Variants in PCCA observed in about 807,000 individuals in gnomAD.
The protein encoded by PCCA is propionyl-CoA carboxylase alpha chain, mitochondrial.
In PCCA, 74 loss-of-function variants were observed where a neutral mutation model predicts 101.3. The observed-to-expected ratio is 0.73, with a 90% confidence interval of 0.61 to 0.89. The LOEUF is 0.89. PCCA is among the 40% of genes least tolerant of loss of function. PCCA has a pLI of 0.00. For synonymous variants in PCCA, 294 were observed against 313.6 expected (o/e 0.94, Z 0.66); for missense variants, 891 against 907.0 (o/e 0.98, Z 0.23).
chr13:100,224,788 T>G (rs901305815), intron 7 of PCCA, among the ~76,000 whole-genome samples: 5 of 152,118 alleles, frequency 3.3e-5, no homozygotes, highest in African/African-American at 1.2e-4. Context: ...AGCTGAAAAG[T>G]GAGATTGATG....
At position 100,095,276 on chromosome 13, in the gene PCCA, G is replaced by A. The variant is rs535001278; in HGVS notation, c.105+6051G>A. Among the ~76,000 whole-genome samples the A allele has an allele frequency of 5.3e-5, 8 of 152,250 alleles. No homozygotes were observed. In the East Asian group the frequency reaches 1.3e-3, roughly 26 times the overall value. On this transcript the variant is annotated intron_variant, in intron 1 of 23. Coordinates refer to ENST00000376285, the MANE Select transcript of PCCA (RefSeq NM_000282.4). ...TCATCTCAAGATCCTTCACTTTGTT[G>A]TATTGGCAAAGACACTTTATCACAG... is the stretch of plus-strand genomic sequence containing the variant.
chr13:100,207,434 G>C (rs2058929546), intron 6 of PCCA, among the ~76,000 whole-genome samples: 1 of 152,020 alleles, frequency 6.6e-6, no homozygotes, highest in Admixed American at 6.6e-5. Context: ...AGGCTGGAGT[G>C]TAGTGGCTCC....
rs556441197 is a variant in PCCA, at chr13:100,523,652, C to T, written c.2041-4023C>T. On this transcript the variant is annotated intron_variant, in intron 22 of 23. Transcript: ENST00000376285. The stretch of plus-strand genomic sequence containing the variant: ...GCTTAATGAGTGCCGCTCTGATAAT[C>T]GGATGCGAACGTGAACCTTGACCTC... Among the ~76,000 whole-genome samples, 6 of 152,268 alleles carry T rather than the reference C, an allele frequency of 3.9e-5. No homozygotes were observed. The East Asian group carries it at 9.7e-4, about 25-fold the overall frequency.
intron 4 of PCCA, among the ~76,000 whole-genome samples, chr13:100,112,301 G>A (rs2152279664): frequency 6.6e-6 from 1 of 152,242 alleles, no homozygotes; most frequent in Non-Finnish European, 1.5e-5. Flanking sequence ...CTGATTGCTG[G>A]TCACCAAGTA....
chr13:100,244,656 C>A (rs2061334889), intron 8 of PCCA, among the ~76,000 whole-genome samples: 1 of 151,466 alleles, frequency 6.6e-6, no homozygotes, highest in South Asian at 2.1e-4. Context: ...GCGTTTTGCT[C>A]TAATCTGGGC....
At position 100,365,727 on chromosome 13, in the gene PCCA, G is replaced by A. The variant is rs560215972; in HGVS notation, c.1644-2745G>A. ...AGTTATAGGGGAAAGTAAGAATATA[G>A]GCCGAGAGCCGGGACAACTACTCAT... On this transcript the variant is annotated intron_variant, in intron 18 of 23. Coordinates refer to ENST00000376285, the MANE Select transcript of PCCA (RefSeq NM_000282.4). Among the ~76,000 whole-genome samples, 5 of 152,322 alleles carry A rather than the reference G, an allele frequency of 3.3e-5. No individual in the cohort carries two copies. The East Asian group carries it at 9.6e-4, about 29-fold the overall frequency.
chr13:100,090,629 G>GT (rs2046193353), intron 1 of PCCA, among the ~76,000 whole-genome samples: 1 of 152,208 alleles, frequency 6.6e-6, no homozygotes, highest in Admixed American at 6.5e-5. Context: ...TAGGGAGACT[G>GT]TAACAAGTGT....
intron 4 of PCCA, among the ~76,000 whole-genome samples, chr13:100,142,400 C>G (rs2051983545): frequency 6.6e-6 from 1 of 151,976 alleles, no homozygotes; most frequent in Admixed American, 6.6e-5. Context: ...TTTATAGTAC[C>G]TCTTGTCACA....
chr13:100,100,518 T>C (rs1442848889), intron 1 of PCCA, among the ~76,000 whole-genome samples: 1 of 152,254 alleles, frequency 6.6e-6, no homozygotes, highest in Non-Finnish European at 1.5e-5. Context: ...CAACAAACGT[T>C]AAAATTCTGT....
At chr13:100,450,113 G>A (rs1245002068) in intron 21 of PCCA, among the ~76,000 whole-genome samples, 4 of 151,990 alleles carry the variant, frequency 2.6e-5, no homozygotes, top group African/African-American at 4.8e-5. Context: ...GGCTTGGTGC[G>A]GCAGCTCACG....
intron 4 of PCCA, among the ~76,000 whole-genome samples, chr13:100,126,716 G>A (rs2049989433): frequency 6.6e-6 from 1 of 152,142 alleles, no homozygotes; most frequent in Non-Finnish European, 1.5e-5. Flanking sequence ...AAAATAAATT[G>A]AAATGCAGCA....
chr13:100,328,841 C>T (rs1273012236), intron 16 of PCCA, among the ~76,000 whole-genome samples: 1 of 151,400 alleles, frequency 6.6e-6, no homozygotes, highest in African/African-American at 2.4e-5. Context: ...TTACAGGTGC[C>T]TGCCACCACG....
intron 19 of PCCA, among the ~76,000 whole-genome samples, chr13:100,395,913 T>TA (rs1393814294): frequency 6.6e-6 from 1 of 152,198 alleles, no homozygotes; most frequent in African/African-American, 2.4e-5. Flanking sequence ...GGCAGTCTTA[T>TA]AAAAAAGAAA....
intron 2 of PCCA, among the ~76,000 whole-genome samples, chr13:100,105,740 G>A (rs2047708600): frequency 6.9e-6 from 1 of 145,788 alleles, no homozygotes; most frequent in Non-Finnish European, 1.5e-5. Context: ...TACACAGGAA[G>A]CTAAGTTGGG....
At chr13:100,187,202 T>A (rs2057353897) in intron 6 of PCCA, among the ~76,000 whole-genome samples, 2 of 152,204 alleles carry the variant, frequency 1.3e-5, no homozygotes, top group Non-Finnish European at 2.9e-5. Flanking sequence ...TTTAATAGAT[T>A]TATACCTGTT....
chr13:100,519,700 G>C (rs1297070049), intron 22 of PCCA, among the ~76,000 whole-genome samples: 1 of 152,184 alleles, frequency 6.6e-6, no homozygotes, highest in Non-Finnish European at 1.5e-5. Context: ...GCTTATAGCC[G>C]ACCATACAGA....
chr13:100,221,851 C>T (rs2059833337), intron 7 of PCCA, among the ~76,000 whole-genome samples: 1 of 149,696 alleles, frequency 6.7e-6, no homozygotes, highest in South Asian at 2.1e-4. Flanking sequence ...AATTCTCCTG[C>T]CTCAGCCTCC....
chr13:100,089,300 C>G (rs2046049449), intron 1 of PCCA, 75 bp downstream of exon 1: 1 of 1,340,398 alleles, frequency 7.5e-7, no homozygotes, highest in African/African-American at 1.5e-5. Flanking sequence ...CGGCTGGCGC[C>G]GGGAGAGCGC....
chr13:100,188,803 C>T (rs529510553), intron 6 of PCCA, among the ~76,000 whole-genome samples: 10 of 152,006 alleles, frequency 6.6e-5, no homozygotes, highest in African/African-American at 2.4e-4. Flanking sequence ...TTGCATTTCC[C>T]TGATCTTTAG....
Sources: gnomAD v4.1 joint callset for allele counts (sites outside exome capture counted in the v4.1 genomes callset) on GRCh38, gnomAD v4.1.1 for gene constraint, MANE v1.5 for transcripts, NCBI Gene and HGNC (gene_info 2026-07-23, HGNC 2026-07-21) for gene names.